GRIN2A: variants seen among roughly 807,000 people sequenced by gnomAD.
GRIN2A encodes glutamate receptor ionotropic, NMDA 2A.
A neutral mutation model predicts 113.4 loss-of-function variants in GRIN2A; 22 were observed. The observed-to-expected ratio is 0.19, with a 90% CI of 0.14 to 0.28. The LOEUF is 0.28. Among genes scored for constraint, GRIN2A ranks in the 10% least tolerant of loss-of-function variants. The probability of loss-of-function intolerance (pLI) is 1.00; values close to 1 mark genes in which losing one functional copy is unlikely to be tolerated. For synonymous variants in GRIN2A, 827 were observed against 738.4 expected (o/e 1.12, Z -1.94); for missense variants, 1,502 against 1,887.0 (o/e 0.80, Z 3.78).
chr16:9,804,154 A>G (rs552588041), intron 10 of GRIN2A, among the ~76,000 whole-genome samples: 1 of 152,292 alleles, frequency 6.6e-6, no homozygotes, highest in African/African-American at 2.4e-5. Context: ...GGTAAGAAAG[A>G]GAAAAAAGGC....
intron 11 of GRIN2A, among the ~76,000 whole-genome samples, chr16:9,772,191 G>A (rs1901314286): frequency 6.6e-6 from 1 of 152,110 alleles, no homozygotes. Flanking sequence ...CAGTCACAAA[G>A]TCATGGGAGA....
chr16:10,159,394 C>T (rs757265658), intron 2 of GRIN2A, among the ~76,000 whole-genome samples: 14 of 152,262 alleles, frequency 9.2e-5, no homozygotes, highest in Non-Finnish European at 1.9e-4. Flanking sequence ...GTCAGGAACC[C>T]AGGGCAAGAG....
chr16:9,995,027 C>G (rs1011044302), intron 2 of GRIN2A, among the ~76,000 whole-genome samples: 1 of 152,176 alleles, frequency 6.6e-6, no homozygotes. Context: ...CAGGGACGAG[C>G]TGAAGAATCC....
intron 2 of GRIN2A, among the ~76,000 whole-genome samples, chr16:9,946,529 C>G (rs1241226365): frequency 6.6e-6 from 1 of 152,126 alleles, no homozygotes; most frequent in African/African-American, 2.4e-5. Context: ...CCCTGAGCCA[C>G]CTGGTGGATA....
chr16:9,902,083 G>A lies in GRIN2A; in HGVS notation c.1008-10983C>T, dbSNP rs575709386. ...TATAATGGTGTGAAAAGCTATACGGGTCAAGAGACTTCTGGTTGTTCATCA... is the reference window on the plus strand; with the variant it reads ...TATAATGGTGTGAAAAGCTATACGGATCAAGAGACTTCTGGTTGTTCATCA... On this transcript the variant is annotated intron_variant, in intron 3 of 12. Transcript: ENST00000330684. Among the ~76,000 whole-genome samples, 3 of 143,864 alleles carry A rather than the reference G, an allele frequency of 2.1e-5. No individual in the cohort carries two copies. The East Asian group carries it at 5.8e-4, about 28-fold the overall frequency. 94.4% of individuals were successfully genotyped at this position (143,864 alleles called of 152,430 possible).
intron 2 of GRIN2A, among the ~76,000 whole-genome samples, chr16:10,114,200 A>C (rs2048682459): frequency 6.6e-6 from 1 of 152,140 alleles, no homozygotes; most frequent in African/African-American, 2.4e-5. Flanking sequence ...CTAAAGACAC[A>C]AAAATAGAAA....
intron 2 of GRIN2A, among the ~76,000 whole-genome samples, chr16:10,077,108 A>C (rs969266077): frequency 5.3e-5 from 8 of 152,188 alleles, no homozygotes. Flanking sequence ...GGAAGCGACC[A>C]CAAGCCAAAG....
At chr16:10,071,705 G>C (rs1407945461) in intron 2 of GRIN2A, among the ~76,000 whole-genome samples, 2 of 152,134 alleles carry the variant, frequency 1.3e-5, no homozygotes, top group East Asian at 3.9e-4. Flanking sequence ...AGCATTTTGG[G>C]CACAGTACCT....
intron 2 of GRIN2A, among the ~76,000 whole-genome samples, chr16:10,125,126 G>T (rs1338292488): frequency 6.6e-6 from 1 of 152,134 alleles, no homozygotes; most frequent in Non-Finnish European, 1.5e-5. Flanking sequence ...GCCATGAAAG[G>T]GTTTTAAATC....
At chr16:9,973,140 G>A (rs762685379) in intron 2 of GRIN2A, among the ~76,000 whole-genome samples, 2 of 152,274 alleles carry the variant, frequency 1.3e-5, no homozygotes, top group East Asian at 1.9e-4. Flanking sequence ...CCGATCTTAG[G>A]TTTTACAATA....
At chr16:9,910,791 G>T (rs934139360) in intron 3 of GRIN2A, among the ~76,000 whole-genome samples, 1 of 151,966 alleles carries the variant, frequency 6.6e-6, no homozygotes, top group Non-Finnish European at 1.5e-5. Flanking sequence ...GCCTGCCTTG[G>T]CCTCCCAAAG....
chr16:9,913,124 A>G (rs2044178530), intron 3 of GRIN2A, among the ~76,000 whole-genome samples: 1 of 152,128 alleles, frequency 6.6e-6, no homozygotes, highest in Non-Finnish European at 1.5e-5. Flanking sequence ...CTTTCACTGA[A>G]CCACAGTTAT....
chr16:10,012,581 C>T (rs920080561), intron 2 of GRIN2A, among the ~76,000 whole-genome samples: 1 of 152,180 alleles, frequency 6.6e-6, no homozygotes, highest in Non-Finnish European at 1.5e-5. Flanking sequence ...ATGTCCTAAT[C>T]CCTGGAACCT....
chr16:10,115,917 T>G (rs930003365), intron 2 of GRIN2A, among the ~76,000 whole-genome samples: 1 of 152,230 alleles, frequency 6.6e-6, no homozygotes, highest in African/African-American at 2.4e-5. Context: ...GTAGTGATTC[T>G]TCTAAGATCT....
At chr16:9,805,761 G>A (rs1390971441) in intron 10 of GRIN2A, among the ~76,000 whole-genome samples, 1 of 152,194 alleles carries the variant, frequency 6.6e-6, no homozygotes, top group Non-Finnish European at 1.5e-5. Flanking sequence ...TTATCTGGCA[G>A]TGGTGGTATC....
intron 2 of GRIN2A, among the ~76,000 whole-genome samples, chr16:10,108,393 CAT>C (rs2048539036): frequency 6.6e-6 from 1 of 152,202 alleles, no homozygotes; most frequent in Non-Finnish European, 1.5e-5. Flanking sequence ...CCTCCCACAA[CAT>C]GTGGGAATTG....
chr16:9,985,708 T>C (rs952829399), intron 2 of GRIN2A, among the ~76,000 whole-genome samples: 6 of 151,750 alleles, frequency 4.0e-5, no homozygotes, highest in Non-Finnish European at 8.8e-5. Context: ...GGAAGGGTAG[T>C]TGGGGGATGG....
rs1444484168 is a variant in GRIN2A at position 9,762,192 on chromosome 16, C to G, written c.*957G>C. The G allele has an allele frequency of 4.5e-6, 1 of 219,898 alleles. No individual in the cohort carries two copies. The highest frequency in any genetic ancestry group is 9.1e-6 in the Non-Finnish European group (1 of 109,396). The allele number at this position is 219,898 out of a possible 1,614,324, so 13.6% of individuals were successfully genotyped here. On this transcript the variant is annotated 3_prime_UTR_variant, in exon 13 of 13. Transcript: ENST00000330684. Reference sequence around the variant, plus strand: ...CCACCATGGCTGTTTGGAAACGGAACGAGTTATGGTTACTCTGGGAGGGAA... The same window carrying G: ...CCACCATGGCTGTTTGGAAACGGAAGGAGTTATGGTTACTCTGGGAGGGAA...
chr16:10,038,124 T>G (rs185732642), intron 2 of GRIN2A, among the ~76,000 whole-genome samples: 6 of 152,298 alleles, frequency 3.9e-5, no homozygotes, highest in Non-Finnish European at 7.4e-5. Flanking sequence ...AAGTCCAAGA[T>G]CAAGGTGCCA....
Sources: gnomAD v4.1 joint callset for allele counts (sites outside exome capture counted in the v4.1 genomes callset) on GRCh38, gnomAD v4.1.1 for gene constraint, MANE v1.5 for transcripts, NCBI Gene and HGNC (gene_info 2026-07-23, HGNC 2026-07-21) for gene names.